The following DST variants were observed in gnomAD, a reference collection of about 807,000 sequenced individuals.
The protein encoded by DST is dystonin, also known as bullous pemphigoid antigen.
A neutral mutation model predicts 875.2 loss-of-function variants in DST; 253 were observed. That is an observed-to-expected ratio of 0.29 (90% CI 0.26 to 0.32). The LOEUF is 0.32. Among genes scored for constraint, DST ranks in the 10% least tolerant of loss-of-function variants. The probability of loss-of-function intolerance (pLI) is 1.00; values close to 1 mark genes in which losing one functional copy is unlikely to be tolerated. For synonymous variants in DST, 3,124 were observed against 3,197.1 expected (o/e 0.98, Z 0.77); for missense variants, 8,287 against 9,111.6 (o/e 0.91, Z 3.68).
At chr6:56,528,401 T>A (rs2096838418) in intron 67 of DST, among the ~76,000 whole-genome samples, 1 of 152,204 alleles carries the variant, frequency 6.6e-6, no homozygotes, top group African/African-American at 2.4e-5. Context: ...GATACTAAAC[T>A]ATGTATCAGT....
chr6:56,777,872 G>A (rs565228306), intron 4 of DST, among the ~76,000 whole-genome samples: 4 of 151,996 alleles, frequency 2.6e-5, no homozygotes, highest in South Asian at 2.1e-4. Context: ...ATTTGGGGGC[G>A]TTTCTGTTTT....
In DST at chr6:56,636,668, G is replaced by A. The variant is rs756971291; in HGVS notation, c.2965-16C>T. The A allele has an allele frequency of 6.2e-7, 1 of 1,606,430 alleles. No individual in the cohort carries two copies. The highest frequency in any genetic ancestry group is 1.1e-5 in the South Asian group (1 of 90,956). On this transcript the variant is annotated splice_polypyrimidine_tract_variant and intron_variant, in intron 22 of 103. Coordinates refer to ENST00000680361, the MANE Select transcript of DST (RefSeq NM_001374736.1). The stretch of plus-strand genomic sequence containing the variant: ...CTCTGTAGGCCTTAAAGATAAAACA[G>A]AGCCATCATAACTGACTGGGGAGAA...
Position 56,477,429 on chromosome 6 carries a change from G to A in DST, c.21591C>T (p.Gly7197=), listed in dbSNP as rs760689511. The A allele has an allele frequency of 3.2e-5, 51 of 1,613,758 alleles. 1 individual carries two copies. Among genetic ancestry groups the A allele is most frequent in the Admixed American group, 6.7e-5 (4 of 59,986 alleles). The change falls in exon 91 of 104, where the codon GGC becomes GGT. Residue 7197 remains glycine, a synonymous_variant. Coordinates refer to ENST00000680361, the MANE Select transcript of DST (RefSeq NM_001374736.1). ...GGTGGCAGATAGCCAAAACGGTGTC[G>A]CCCATAGTGGTGGCTTTATTTAGTT... ...RAELNKATTM[G]DTVLAICHPD... is the part of the protein sequence containing the mutation.
chr6:56,708,077 A>C (rs57392123), intron 5 of DST, among the ~76,000 whole-genome samples: 12,433 of 152,214 alleles, frequency 0.082, 1,619 homozygotes, highest in African/African-American at 0.28. Flanking sequence ...AGCCTGGGCA[A>C]AAGAGTGAGA....
intron 4 of DST, among the ~76,000 whole-genome samples, chr6:56,787,889 A>G (rs1193586550): frequency 6.6e-6 from 1 of 152,064 alleles, no homozygotes; most frequent in Non-Finnish European, 1.5e-5. Flanking sequence ...CTGTAATCCC[A>G]GCACTTTGGG....
intron 43 of DST, among the ~76,000 whole-genome samples, chr6:56,602,184 GA>G (rs368700864): frequency 0.015 from 1,413 of 92,882 alleles, 18 homozygotes; most frequent in African/African-American, 0.044. Flanking sequence ...TAAGAACTTA[GA>G]AAAAAAAAAA....
intron 2 of DST, among the ~76,000 whole-genome samples, chr6:56,920,955 G>A (rs530800829): frequency 1.7e-4 from 23 of 138,500 alleles, no homozygotes; most frequent in African/African-American, 6.2e-4. Flanking sequence ...CGTTGCCCAG[G>A]TTGATCTGGA....
At chr6:56,596,086 T>C (rs1317766003) in intron 47 of DST, among the ~76,000 whole-genome samples, 1 of 152,122 alleles carries the variant, frequency 6.6e-6, no homozygotes, top group East Asian at 1.9e-4. Context: ...CAGAGGGCAG[T>C]GGCACAATCT....
In DST at chr6:56,589,607, T is replaced by C. The variant is rs373074947; in HGVS notation, c.12903+2575A>G. Reference sequence around the variant, plus strand: ...AAAGATTAGCGCAAGTCTGGAAGGCTGACATTGTCAGTCAATGCAATCCCC... The same window carrying C: ...AAAGATTAGCGCAAGTCTGGAAGGCCGACATTGTCAGTCAATGCAATCCCC... On this transcript the variant is annotated intron_variant, in intron 49 of 103. Coordinates refer to ENST00000680361, the MANE Select transcript of DST (RefSeq NM_001374736.1). Among the ~76,000 whole-genome samples the C allele has an allele frequency of 9.9e-5, 15 of 152,248 alleles. No individual in the cohort carries two copies. In the East Asian group the frequency reaches 2.9e-3, roughly 29 times the overall value.
rs752053786 is a variant in DST at position 56,494,195 on chromosome 6, C to G, written c.20224-15G>C. The G allele has an allele frequency of 6.9e-6, 11 of 1,583,790 alleles. No individual in the cohort carries two copies. The Admixed American group carries it at 1.2e-4, about 18-fold the overall frequency. On this transcript the variant is annotated splice_polypyrimidine_tract_variant and intron_variant, in intron 82 of 103. Coordinates refer to ENST00000680361, the MANE Select transcript of DST (RefSeq NM_001374736.1). ...GCACAGACTTCCTAAATTGAGATACCCTCAAGTTATATCACTTTAAGAAAG... is the reference window on the plus strand; with the variant it reads ...GCACAGACTTCCTAAATTGAGATACGCTCAAGTTATATCACTTTAAGAAAG...
rs921206897 is a variant in DST, at chr6:56,768,179, A to G, written c.626-32890T>C. ...CCGAGAAAAAGTTTCTCAACACAGA[A>G]TATTTACCAAGTGCTTATTTCTAAG... On this transcript the variant is annotated intron_variant, in intron 4 of 103. Coordinates refer to ENST00000680361, the MANE Select transcript of DST (RefSeq NM_001374736.1). Among the ~76,000 whole-genome samples the G allele has an allele frequency of 1.6e-4, 24 of 152,360 alleles. 1 individual carries two copies. In the South Asian group the frequency reaches 4.1e-3, roughly 26 times the overall value.
At chr6:56,772,310 A>T (rs2099668218) in intron 4 of DST, among the ~76,000 whole-genome samples, 1 of 152,222 alleles carries the variant, frequency 6.6e-6, no homozygotes, top group Admixed American at 6.5e-5. Flanking sequence ...CTAAAAATAC[A>T]TGTTACTTAT....
chr6:56,746,173 T>C (rs1312449738), intron 4 of DST, among the ~76,000 whole-genome samples: 1 of 152,124 alleles, frequency 6.6e-6, no homozygotes, highest in African/African-American at 2.4e-5. Flanking sequence ...TTTGTAGAGA[T>C]AGGATCTCCC....
intron 92 of DST, among the ~76,000 whole-genome samples, chr6:56,475,312 A>G (rs986449084): frequency 2.0e-5 from 3 of 151,708 alleles, no homozygotes; most frequent in African/African-American, 7.3e-5. Flanking sequence ...ACACTGAAGA[A>G]CTCTAATACC....
intron 2 of DST, among the ~76,000 whole-genome samples, chr6:56,918,575 G>A (rs1352819378): frequency 6.6e-6 from 1 of 152,130 alleles, no homozygotes; most frequent in Non-Finnish European, 1.5e-5. Context: ...CTTAGAAGTG[G>A]TATTTCCAGT....
At chr6:56,470,029 C>A in intron 96 of DST, 72 bp from the exon 97 acceptor site, 19 of 1,602,250 alleles carry the variant, frequency 1.2e-5, no homozygotes, top group Non-Finnish European at 1.4e-5. Context: ...AACTTTGACA[C>A]AACAATTAGA....
At chr6:56,552,115 C>A in intron 61 of DST, 69 bp downstream of exon 61, 1 of 1,479,050 alleles carries the variant, frequency 6.8e-7, no homozygotes, top group East Asian at 2.3e-5. Context: ...AATAGGCAAT[C>A]TCCTTTCTAA....
chr6:56,840,150 A>G (rs185013075), intron 4 of DST, among the ~76,000 whole-genome samples: 212 of 152,332 alleles, frequency 1.4e-3, no homozygotes, highest in African/African-American at 4.2e-3. Context: ...CAAAGTAACA[A>G]TGTGTTGGGA....
chr6:56,498,766 G>A (rs191541919), intron 80 of DST, among the ~76,000 whole-genome samples: 24 of 152,092 alleles, frequency 1.6e-4, no homozygotes, highest in African/African-American at 2.7e-4. Flanking sequence ...TCTCTCATAC[G>A]AGGGGTCCTG....
Sources: allele counts gnomAD v4.1 joint callset (sites outside exome capture counted in the v4.1 genomes callset), GRCh38; gene constraint gnomAD v4.1.1; transcripts MANE v1.5; gene names NCBI Gene and HGNC (gene_info 2026-07-23, HGNC 2026-07-21).